Variants in SOX5 observed in about 807,000 individuals in gnomAD.
SOX5 encodes transcription factor SOX-5.
A neutral mutation model predicts 92.0 loss-of-function variants in SOX5; 9 were observed. The observed-to-expected ratio is 0.10, with a 90% confidence interval of 0.06 to 0.17. The LOEUF is 0.17. Ranked by LOEUF, SOX5 falls within the 10% of genes least tolerant of loss-of-function variation. The probability of loss-of-function intolerance (pLI) is 1.00; values close to 1 mark genes in which losing one functional copy is unlikely to be tolerated. For missense variants in SOX5, 642 were observed against 944.5 expected (o/e 0.68, Z 4.20); for synonymous variants, 344 against 336.3 (o/e 1.02, Z -0.25).
At chr12:23,979,152 T>C (rs1268561845) in intron 4 of SOX5, among the ~76,000 whole-genome samples, 2 of 152,180 alleles carry the variant, frequency 1.3e-5, no homozygotes, top group African/African-American at 4.8e-5. Flanking sequence ...TTATATTGTT[T>C]GGTTGCTTTA....
chr12:24,332,848 G>C (rs962915228), intron 2 of SOX5, among the ~76,000 whole-genome samples: 2 of 151,964 alleles, frequency 1.3e-5, no homozygotes, highest in Non-Finnish European at 2.9e-5. Context: ...GACAAATCAT[G>C]GAAGATTTAA....
intron 3 of SOX5, among the ~76,000 whole-genome samples, chr12:23,782,272 A>G (rs1479529978): frequency 6.6e-6 from 1 of 152,114 alleles, no homozygotes; most frequent in Admixed American, 6.5e-5. Flanking sequence ...CTAGGTAAAC[A>G]TGTGGACAAT....
chr12:23,979,978 T>C (rs1297664163), intron 4 of SOX5, among the ~76,000 whole-genome samples: 4 of 148,372 alleles, frequency 2.7e-5, no homozygotes, highest in South Asian at 2.1e-4. Flanking sequence ...GATAGACAGA[T>C]AGATAGATAG....
intron 8 of SOX5, among the ~76,000 whole-genome samples, chr12:23,627,217 G>C (rs1386567618): frequency 6.6e-6 from 1 of 152,108 alleles, no homozygotes; most frequent in African/African-American, 2.4e-5. Flanking sequence ...TTACGGAATG[G>C]AAAGAAAGAG....
At chr12:23,648,873 C>T (rs2081207641) in intron 7 of SOX5, among the ~76,000 whole-genome samples, 1 of 152,130 alleles carries the variant, frequency 6.6e-6, no homozygotes, top group Non-Finnish European at 1.5e-5. Flanking sequence ...TAAAAGACTA[C>T]TACAGTTATT....
chr12:24,311,833 C>A (rs1949208163), intron 2 of SOX5, among the ~76,000 whole-genome samples: 1 of 152,080 alleles, frequency 6.6e-6, no homozygotes. Flanking sequence ...TTTTAAAAAG[C>A]ATAAAGCTGT....
At chr12:24,548,229 TCA>T (rs755467764) in intron 1 of SOX5, among the ~76,000 whole-genome samples, 4 of 152,184 alleles carry the variant, frequency 2.6e-5, no homozygotes, top group Admixed American at 1.3e-4. Context: ...TGACACAAAC[TCA>T]CAATATCTCT....
chr12:24,436,435 G>A (rs950314795), intron 1 of SOX5, among the ~76,000 whole-genome samples: 2 of 152,200 alleles, frequency 1.3e-5, no homozygotes, highest in African/African-American at 4.8e-5. Flanking sequence ...CAGCCACAAC[G>A]TATTCCCTTA....
intron 1 of SOX5, among the ~76,000 whole-genome samples, chr12:24,384,881 A>C (rs926673378): frequency 3.9e-5 from 6 of 152,196 alleles, no homozygotes; most frequent in Non-Finnish European, 7.3e-5. Context: ...CAGATTCTGC[A>C]ATACAGAAGG....
At chr12:23,667,406 T>A (rs1350284808) in intron 6 of SOX5, among the ~76,000 whole-genome samples, 1 of 152,188 alleles carries the variant, frequency 6.6e-6, no homozygotes, top group African/African-American at 2.4e-5. Flanking sequence ...CATTCTAAAC[T>A]TCGGTCTTTT....
intron 4 of SOX5, among the ~76,000 whole-genome samples, chr12:24,074,369 C>A (rs71450411): frequency 6.6e-6 from 1 of 151,524 alleles, no homozygotes; most frequent in Admixed American, 6.6e-5. Context: ...ATTTCATAAT[C>A]TTAACTCAGG....
chr12:23,987,125 A>T (rs995159598), intron 4 of SOX5, among the ~76,000 whole-genome samples: 1 of 152,218 alleles, frequency 6.6e-6, no homozygotes, highest in Admixed American at 6.5e-5. Flanking sequence ...AGAAGATGTG[A>T]CTATAACAGA....
chr12:23,850,473 T>A (rs28380393), intron 2 of SOX5, among the ~76,000 whole-genome samples: 1 of 144,942 alleles, frequency 6.9e-6, no homozygotes, highest in Non-Finnish European at 1.5e-5. Context: ...AAATAAAAAA[T>A]AAAAAAAAAA....
At chr12:23,759,704 A>G (rs1354423391) in intron 3 of SOX5, among the ~76,000 whole-genome samples, 6 of 152,150 alleles carry the variant, frequency 3.9e-5, no homozygotes, top group Non-Finnish European at 8.8e-5. Flanking sequence ...AATATTTACA[A>G]TACACCTGTT....
chr12:24,117,817 C>A (rs1593315027), intron 4 of SOX5, among the ~76,000 whole-genome samples: 1 of 151,844 alleles, frequency 6.6e-6, no homozygotes, highest in East Asian at 1.9e-4. Context: ...GCGAGGGATT[C>A]AAGACCAGCC....
chr12:24,426,691 C>T (rs1490938127), intron 1 of SOX5, among the ~76,000 whole-genome samples: 1 of 152,172 alleles, frequency 6.6e-6, no homozygotes, highest in Non-Finnish European at 1.5e-5. Flanking sequence ...ATATCTTAGT[C>T]TTCGCTGAAT....
chr12:23,971,617 C>T (rs989423173), intron 4 of SOX5, among the ~76,000 whole-genome samples: 3 of 150,552 alleles, frequency 2.0e-5, no homozygotes, highest in African/African-American at 7.3e-5. Flanking sequence ...TTCACATCAG[C>T]CAAGTATAGA....
intron 1 of SOX5, among the ~76,000 whole-genome samples, chr12:24,498,540 T>C (rs1386278765): frequency 6.6e-6 from 1 of 152,212 alleles, no homozygotes; most frequent in East Asian, 1.9e-4. Context: ...TAAATACTTA[T>C]AACAATACAT....
At chr12:23,784,201 C>T (rs2095336335) in intron 3 of SOX5, among the ~76,000 whole-genome samples, 1 of 152,146 alleles carries the variant, frequency 6.6e-6, no homozygotes, top group Non-Finnish European at 1.5e-5. Context: ...CACTGAATAG[C>T]TCTGGGCAAA....
Sources: allele counts gnomAD v4.1 joint callset (sites outside exome capture counted in the v4.1 genomes callset), GRCh38; gene constraint gnomAD v4.1.1; transcripts MANE v1.5; gene names NCBI Gene and HGNC (gene_info 2026-07-23, HGNC 2026-07-21).